SYT12: variants seen among roughly 807,000 people sequenced by gnomAD.
The protein encoded by SYT12 is synaptotagmin-12.
In SYT12, 27 loss-of-function variants were observed where a neutral mutation model predicts 39.5. The observed-to-expected ratio is 0.68, with a 90% CI of 0.50 to 0.94. The LOEUF (loss-of-function observed/expected upper bound fraction) is 0.94. Among genes scored for constraint, SYT12 ranks in the 40% least tolerant of loss-of-function variants. The pLI, the probability that SYT12 is intolerant of heterozygous loss-of-function variation, is 0.00. For missense variants in SYT12, 536 were observed against 572.6 expected (o/e 0.94, Z 0.65); for synonymous variants, 233 against 239.7 (o/e 0.97, Z 0.26).
At chr11:67,039,772 C>T in intron 3 of SYT12, 39 bp from the exon 4 acceptor site, 2 of 1,566,360 alleles carry the variant, frequency 1.3e-6, no homozygotes, top group Non-Finnish European at 1.7e-6. Context: ...TTGCCTATGG[C>T]CCCCATGATG....
intron 3 of SYT12, among the ~76,000 whole-genome samples, chr11:67,038,851 G>A (rs1314687538): frequency 6.6e-6 from 1 of 151,690 alleles, no homozygotes; most frequent in Non-Finnish European, 1.5e-5. Context: ...GCTGGGTGTG[G>A]TGGCAGGCGC....
At chr11:67,046,497 C>A (rs1565344650) in intron 7 of SYT12, among the ~76,000 whole-genome samples, 1 of 152,234 alleles carries the variant, frequency 6.6e-6, no homozygotes, top group African/African-American at 2.4e-5. Flanking sequence ...CAAAACCTGC[C>A]TCCATAGCCC....
intron 4 of SYT12, among the ~76,000 whole-genome samples, chr11:67,040,423 C>T (rs904262318): frequency 1.3e-5 from 2 of 152,166 alleles, no homozygotes; most frequent in East Asian, 1.9e-4. Context: ...GAGTTCTTAG[C>T]GGTCCCACCA....
At chr11:67,029,326 A>G (rs1950225655) in intron 1 of SYT12, 1 of 152,210 alleles carries the variant, frequency 6.6e-6, no homozygotes, top group Non-Finnish European at 1.5e-5. Flanking sequence ...ATCAAAATGG[A>G]AGCATTTGAA....
intron 3 of SYT12, among the ~76,000 whole-genome samples, chr11:67,038,099 G>T (rs1005783975): frequency 6.6e-6 from 1 of 151,194 alleles, no homozygotes; most frequent in Non-Finnish European, 1.5e-5. Flanking sequence ...TGGAATAAAA[G>T]GTTCTTGTTT....
intron 5 of SYT12, 78 bp downstream of exon 5, chr11:67,043,931 C>A: frequency 7.6e-7 from 1 of 1,321,004 alleles, no homozygotes; most frequent in Admixed American, 1.9e-5. Flanking sequence ...CCATCATCCT[C>A]ATCATCCTCT....
chr11:67,028,979 G>A (rs919854668), intron 1 of SYT12: 4 of 152,222 alleles, frequency 2.6e-5, no homozygotes, highest in Non-Finnish European at 5.9e-5. Context: ...TGAACTACAA[G>A]GGAATCCAGA....
intron 6 of SYT12, among the ~76,000 whole-genome samples, chr11:67,044,969 T>C (rs1188140623): frequency 2.0e-5 from 3 of 150,504 alleles, no homozygotes; most frequent in Non-Finnish European, 4.4e-5. Flanking sequence ...GTCAGAGTGA[T>C]GCGGGGGTCT....
chr11:67,018,147 C>T (rs182123932), upstream of SYT12, among the ~76,000 whole-genome samples: 1 of 151,842 alleles, frequency 6.6e-6, no homozygotes, highest in African/African-American at 2.4e-5. Context: ...CCTGTAATCC[C>T]AACTACTTGG....
chr11:67,012,438 C>T (rs945720910), intron 3 of SYT12, among the ~76,000 whole-genome samples: 1 of 152,144 alleles, frequency 6.6e-6, no homozygotes, highest in African/African-American at 2.4e-5. Flanking sequence ...CTCTGAAGCT[C>T]TCCCACCTCA....
rs548730116 is a variant in SYT12 at position 67,043,181 on chromosome 11, T to C, written c.622-457T>C. ...TGGCCCAACCTCGCCTAGTCCTCCC[T>C]TCCATCCACCCATCCAGCCTACGGT... On this transcript the variant is annotated intron_variant, in intron 4 of 7. Coordinates refer to ENST00000527043, the MANE Select transcript of SYT12 (RefSeq NM_177963.4). Among the ~76,000 whole-genome samples, 49 of 152,290 alleles carry C rather than the reference T, an allele frequency of 3.2e-4. No homozygotes were observed. The East Asian group carries it at 9.1e-3, about 28-fold the overall frequency.
At chr11:67,047,605 A>G (rs1385162218) in intron 7 of SYT12, among the ~76,000 whole-genome samples, 1 of 151,230 alleles carries the variant, frequency 6.6e-6, no homozygotes, top group Non-Finnish European at 1.5e-5. Flanking sequence ...CAGATGGAGA[A>G]GCTGAGGTAG....
At position 67,035,441 on chromosome 11, in the gene SYT12, CT is replaced by C. The variant is rs201365423; in HGVS notation, c.228+608del. Among the ~76,000 whole-genome samples the C allele has an allele frequency of 9.8e-3, 1,275 of 130,000 alleles. 29 individuals are homozygous for C. Among genetic ancestry groups the C allele is most frequent in the African/African-American group, 0.036 (1,186 of 32,882 alleles). The allele number at this position is 130,000 out of a possible 152,430, so 85.3% of individuals were successfully genotyped here. A position where few individuals can be genotyped will look rare whatever the true frequency, so the allele number is the denominator to read the frequency against. ...TTCTTACTTTCTTTTTTTTCTTTTT[CT>C]TTTTCTTTTTCTTTTCTTTTTTTTT... On this transcript the variant is annotated intron_variant, in intron 3 of 7. Coordinates refer to ENST00000527043, the MANE Select transcript of SYT12 (RefSeq NM_177963.4).
At position 67,039,942 on chromosome 11, in the gene SYT12, G is replaced by T. The variant is rs761312787; in HGVS notation, c.360G>T (p.Leu120Phe). Residue 120 changes from leucine (L) to phenylalanine (F), a missense_variant, in exon 4 of 8, where the codon TTG becomes TTT. Leu to Phe is a conservative substitution (Grantham distance 22, BLOSUM62 0). Coordinates refer to ENST00000527043, the MANE Select transcript of SYT12 (RefSeq NM_177963.4). ...LGPLELMGRE[L>F]DLAPYGTLRK... ...CTCTGGAGCTGATGGGCCGGGAGTT[G>T]GACCTGGCCCCCTATGGGACCCTCC... The T allele has an allele frequency of 1.9e-6, 3 of 1,613,676 alleles. No individual in the cohort carries two copies. Among genetic ancestry groups the T allele is most frequent in the Non-Finnish European group, 2.5e-6 (3 of 1,180,050 alleles).
chr11:67,019,201 G>A (rs1950084677), upstream of SYT12, among the ~76,000 whole-genome samples: 1 of 152,068 alleles, frequency 6.6e-6, no homozygotes, highest in African/African-American at 2.4e-5. Context: ...CGCTGGGCGT[G>A]GTGACTCATG....
intron 7 of SYT12, among the ~76,000 whole-genome samples, chr11:67,046,405 A>G (rs1272680255): frequency 6.6e-6 from 1 of 152,098 alleles, no homozygotes; most frequent in African/African-American, 2.4e-5. Context: ...GCCTCGGAGG[A>G]TGGGGCTCGC....
chr11:67,038,644 A>G (rs917972689), intron 3 of SYT12, among the ~76,000 whole-genome samples: 2 of 152,134 alleles, frequency 1.3e-5, no homozygotes, highest in Non-Finnish European at 2.9e-5. Flanking sequence ...ACATCACTGC[A>G]ATCGACAACT....
chr11:67,035,708 T>C lies in SYT12; in HGVS notation c.228+870T>C, dbSNP rs371138168. ...TCCTGACCTCGTGATCCGCCCGCCTTGGCCTCCCAAAGTACTGGGATTACA... is the reference window on the plus strand; with the variant it reads ...TCCTGACCTCGTGATCCGCCCGCCTCGGCCTCCCAAAGTACTGGGATTACA... On this transcript the variant is annotated intron_variant, in intron 3 of 7. Coordinates refer to ENST00000527043, the MANE Select transcript of SYT12 (RefSeq NM_177963.4). Among the ~76,000 whole-genome samples, 1,217 of 151,872 alleles carry C rather than the reference T, an allele frequency of 8.0e-3. 13 individuals carry two copies. The highest frequency in any genetic ancestry group is 0.053 in the East Asian group (274 of 5,142).
At chr11:67,006,825 G>A (rs1052142048) in exon 1 of SYT12, 3 of 152,220 alleles carry the variant, frequency 2.0e-5, no homozygotes, top group Non-Finnish European at 4.4e-5. Context: ...GGCAGAGAAG[G>A]AAAAAGGAAG....
Sources: gnomAD v4.1 joint callset for allele counts (sites outside exome capture counted in the v4.1 genomes callset) on GRCh38, gnomAD v4.1.1 for gene constraint, MANE v1.5 for transcripts, NCBI Gene and HGNC (gene_info 2026-07-23, HGNC 2026-07-21) for gene names.